Variants in THADA observed in about 807,000 individuals in gnomAD.
THADA encodes the protein tRNA (32-2'-O)-methyltransferase regulator THADA.
THADA carries 213 observed loss-of-function variants against 219.8 expected under a neutral mutation model. That is an observed-to-expected ratio of 0.97 (90% CI 0.87 to 1.09). THADA has a LOEUF of 1.09. THADA is among the 50% of genes least tolerant of loss of function. THADA has a pLI of 0.00. For missense variants in THADA, 2,956 were observed against 2,311.3 expected (o/e 1.28, Z -5.72); for synonymous variants, 1,018 against 828.9 (o/e 1.23, Z -3.92).
At chr2:43,380,111 C>G (rs1165664782) in intron 29 of THADA, among the ~76,000 whole-genome samples, 1 of 152,106 alleles carries the variant, frequency 6.6e-6, no homozygotes, top group Non-Finnish European at 1.5e-5. Flanking sequence ...GTACTGGATT[C>G]TACATACTAG....
intron 30 of THADA, among the ~76,000 whole-genome samples, chr2:43,324,829 C>T (rs1679133236): frequency 1.3e-5 from 2 of 151,858 alleles, no homozygotes; most frequent in South Asian, 4.2e-4. Context: ...ATTTTTCTAC[C>T]CCCAAATGGA....
intron 31 of THADA, among the ~76,000 whole-genome samples, chr2:43,303,795 T>C (rs1224709970): frequency 6.6e-6 from 1 of 152,058 alleles, no homozygotes; most frequent in Admixed American, 6.6e-5. Context: ...CAATCAGTGG[T>C]CAATGTCCCA....
chr2:43,554,187 C>G (rs1354543749), intron 17 of THADA, among the ~76,000 whole-genome samples: 1 of 152,154 alleles, frequency 6.6e-6, no homozygotes, highest in Non-Finnish European at 1.5e-5. Flanking sequence ...TTGGTTAACC[C>G]AAGATCACAA....
rs1329221474 is a variant in THADA, at chr2:43,320,534, A to AT, written c.4349dup (p.Asn1450LysfsTer12). On this transcript the variant is annotated frameshift_variant, in exon 31 of 38. Coordinates refer to ENST00000405975, the MANE Select transcript of THADA (RefSeq NM_022065.5). LOFTEE classifies it high-confidence loss of function. ...ATACAGCTCTGGTCACCAAACATGGATTTTGCCTAGAAAGGTAAAGAACAG... is the reference window on the plus strand; with the variant it reads ...ATACAGCTCTGGTCACCAAACATGGATTTTTGCCTAGAAAGGTAAAGAACAG... 1.2e-6 allele frequency: 2 copies of AT among 1,611,528 alleles called. No individual in the cohort carries two copies. The highest frequency in any genetic ancestry group is 1.7e-5 in the Admixed American group (1 of 59,532).
At chr2:43,377,354 CATATG>C (rs1671497819) in intron 29 of THADA, among the ~76,000 whole-genome samples, 4 of 152,108 alleles carry the variant, frequency 2.6e-5, no homozygotes, top group South Asian at 4.2e-4. Context: ...ACTGAGGTGA[CATATG>C]ATGTTTCCCC....
At position 43,470,658 on chromosome 2, in the gene THADA, T is replaced by C. The variant is rs1684804091; in HGVS notation, c.3836+14576A>G. On this transcript the variant is annotated intron_variant, in intron 26 of 37. Coordinates refer to ENST00000405975, the MANE Select transcript of THADA (RefSeq NM_022065.5). The stretch of plus-strand genomic sequence containing the variant: ...AACAAAATGCTAACAAAAATTGTAT[T>C]TGAGTGACAAGAATAAGACTCTAAC... Among the ~76,000 whole-genome samples the C allele has an allele frequency of 2.0e-5, 3 of 152,260 alleles. No homozygotes were observed. The South Asian group carries it at 6.2e-4, about 32-fold the overall frequency.
intron 1 of THADA, among the ~76,000 whole-genome samples, chr2:43,592,631 G>A (rs935513514): frequency 2.6e-5 from 4 of 152,160 alleles, no homozygotes; most frequent in Admixed American, 6.5e-5. Context: ...GTCCCCTGGG[G>A]AGCAAAACTG....
chr2:43,521,539 G>A (rs1287408980), intron 22 of THADA, among the ~76,000 whole-genome samples: 1 of 152,168 alleles, frequency 6.6e-6, no homozygotes, highest in African/African-American at 2.4e-5. Context: ...CTGGGCGACA[G>A]AGCAAGACTC....
In THADA at chr2:43,363,258, CG is replaced by C. The variant is rs1289243372; in HGVS notation, c.4228-19022del. 2.0e-5 allele frequency among the ~76,000 whole-genome samples: 3 copies of C among 152,250 alleles called. No homozygotes were observed. The East Asian group carries it at 5.8e-4, about 29-fold the overall frequency. ...TGCTATACTTTTATTTGACTGGCAG[CG>C]GAACAGGTTTGTTTACACCAGCATC... On this transcript the variant is annotated intron_variant, in intron 29 of 37. Transcript: ENST00000405975.
intron 36 of THADA, among the ~76,000 whole-genome samples, chr2:43,265,203 C>T (rs1671380208): frequency 6.6e-6 from 1 of 152,246 alleles, no homozygotes; most frequent in African/African-American, 2.4e-5. Flanking sequence ...GCGGTGGGGG[C>T]GGGGGCACTG....
At position 43,232,787 on chromosome 2, in the gene THADA, C is replaced by T. The variant is rs1200457296; in HGVS notation, c.5392G>A (p.Gly1798Arg). 1 of 1,613,604 alleles carries T rather than the reference C, an allele frequency of 6.2e-7. No homozygotes were observed. Among genetic ancestry groups the T allele is most frequent in the East Asian group, 2.2e-5 (1 of 44,870 alleles). Residue 1798 changes from glycine to arginine, a missense_variant, in exon 37 of 38, where the codon GGA becomes AGA. By Grantham distance (125) the Gly-to-Arg change is moderately radical. Transcript: ENST00000405975. ...AGCCATCCCAGCAGGATGGGCAGTCCAGGGGCCAACTGGTCCCACTGCTGG... is the reference window on the plus strand; with the variant it reads ...AGCCATCCCAGCAGGATGGGCAGTCTAGGGGCCAACTGGTCCCACTGCTGG... ...LLQQWDQLAP[G>R]LPILLGWLLG... is the part of the protein sequence containing the mutation.
intron 17 of THADA, among the ~76,000 whole-genome samples, chr2:43,554,145 G>A (rs1403034917): frequency 6.6e-6 from 1 of 151,968 alleles, no homozygotes; most frequent in African/African-American, 2.4e-5. Flanking sequence ...GTTTCCCTTT[G>A]TGGCTTGTAC....
chr2:43,551,243 T>A (rs1210765984), intron 19 of THADA, among the ~76,000 whole-genome samples: 1 of 152,194 alleles, frequency 6.6e-6, no homozygotes, highest in Non-Finnish European at 1.5e-5. Context: ...CAAACATAAA[T>A]ATATTTCATG....
At chr2:43,522,794 C>T (rs2103696370) in intron 22 of THADA, among the ~76,000 whole-genome samples, 1 of 152,216 alleles carries the variant, frequency 6.6e-6, no homozygotes, top group East Asian at 1.9e-4. Context: ...TAGTTTTCTC[C>T]AAATTCTTTT....
rs1686774995 is a variant in THADA at position 43,485,283 on chromosome 2, T to C, written c.3787A>G (p.Arg1263Gly). 28 of 1,613,142 alleles carry C rather than the reference T, an allele frequency of 1.7e-5. No homozygotes were observed. The highest frequency in any genetic ancestry group is 2.3e-5 in the Non-Finnish European group (27 of 1,179,502). Residue 1263 changes from arginine to glycine, a missense_variant, in exon 26 of 38, where the codon AGA (arginine) becomes GGA (glycine). Coordinates refer to ENST00000405975, the MANE Select transcript of THADA (RefSeq NM_022065.5). ...TTTGCCCTTTTAACTCCAAAAATTC[T>C]TGTGATCAAGGCACTAAAGAGAAGT... ...STLLFSALIT[R>G]IFGVKRAKDE...
At chr2:43,432,643 T>C (rs959218485) in intron 26 of THADA, among the ~76,000 whole-genome samples, 4 of 152,268 alleles carry the variant, frequency 2.6e-5, no homozygotes, top group African/African-American at 9.6e-5. Flanking sequence ...AACAGTAAGG[T>C]AGATTTCTGA....
intron 26 of THADA, among the ~76,000 whole-genome samples, chr2:43,461,575 C>T (rs1278480321): frequency 6.6e-6 from 1 of 152,150 alleles, no homozygotes; most frequent in Non-Finnish European, 1.5e-5. Flanking sequence ...TTAATAGAGT[C>T]TTTGTTCAGA....
At chr2:43,531,252 TTAC>T (rs1693824455) in intron 21 of THADA, among the ~76,000 whole-genome samples, 1 of 152,192 alleles carries the variant, frequency 6.6e-6, no homozygotes, top group Admixed American at 6.5e-5. Flanking sequence ...GAACAGGCTA[TTAC>T]AGTACTTGGG....
At chr2:43,274,683 AG>A (rs1328356416) in intron 36 of THADA, among the ~76,000 whole-genome samples, 8 of 152,158 alleles carry the variant, frequency 5.3e-5, no homozygotes, top group Admixed American at 4.6e-4. Context: ...CATATTTGGA[AG>A]GATGAGCAGA....
Sources: gnomAD v4.1 joint callset for allele counts (sites outside exome capture counted in the v4.1 genomes callset) on GRCh38, gnomAD v4.1.1 for gene constraint, MANE v1.5 for transcripts, NCBI Gene and HGNC (gene_info 2026-07-23, HGNC 2026-07-21) for gene names.